The following PHF13 variants were observed in gnomAD, a reference collection of about 807,000 sequenced individuals.
PHF13 encodes PHD zinc finger protein PHF5.
In PHF13, 1 loss-of-function variant was observed where a neutral mutation model predicts 25.8. The ratio of observed to expected loss-of-function variants is 0.04; its 90% CI spans 0.01 to 0.18. The LOEUF (loss-of-function observed/expected upper bound fraction) is 0.18. Among genes scored for constraint, PHF13 ranks in the 10% least tolerant of loss-of-function variants. The pLI is 1.00. For missense variants in PHF13, 306 were observed against 403.2 expected, an observed-to-expected ratio of 0.76 and a Z score of 2.06; for synonymous variants, 195 against 162.4, an observed-to-expected ratio of 1.20 and a Z score of -1.53.
In PHF13 at chr1:6,613,750, G is replaced by T. The variant is rs939057532; in HGVS notation, c.-317G>T. On this transcript the variant is annotated 5_prime_UTR_variant, in exon 1 of 4. Transcript: ENST00000377648. ...TCTCCCGCCCTCCCTCCCGAGACAC[G>T]AGCCGAACTGGGCGTCAGGTCGGGG... The T allele has an allele frequency of 1.6e-4, 25 of 158,772 alleles. No homozygotes were observed. The highest frequency in any genetic ancestry group is 2.9e-4 in the East Asian group (1 of 3,436). The allele number at this position is 158,772 out of a possible 1,614,324, so 9.8% of individuals were successfully genotyped here.
chr1:6,616,680 C>T (rs1641266111), intron 1 of PHF13, 77 bp from the exon 2 acceptor site: 7 of 1,253,074 alleles, frequency 5.6e-6, no homozygotes, highest in Non-Finnish European at 8.2e-6. Flanking sequence ...AAAGTTCCAG[C>T]TTACTTCCTT....
rs546497234 is a variant in PHF13, at chr1:6,619,715, G to A, written c.142-88G>A. 2.0e-5 allele frequency: 27 copies of A among 1,349,536 alleles called. 1 individual carries two copies. Among genetic ancestry groups the A allele is most frequent in the African/African-American group, 1.2e-4 (8 of 68,814 alleles). The allele number at this position is 1,349,536 out of a possible 1,614,324, so 83.6% of individuals were successfully genotyped here. A position where few individuals can be genotyped will look rare whatever the true frequency, so the allele number is the denominator to read the frequency against. Reference sequence around the variant, plus strand: ...CAAAGTTGTGCAGATGTCTCTGGAGGTCTGACATGGCTGGGTGGCTGGGGA... The same window carrying A: ...CAAAGTTGTGCAGATGTCTCTGGAGATCTGACATGGCTGGGTGGCTGGGGA... On this transcript the variant is annotated intron_variant, in intron 2 of 3. Transcript: ENST00000377648.
At chr1:6,615,405 G>T (rs1641245159) in intron 1 of PHF13, among the ~76,000 whole-genome samples, 1 of 152,240 alleles carries the variant, frequency 6.6e-6, no homozygotes, top group South Asian at 2.1e-4. Context: ...GGCGGCCCTG[G>T]GGTCCAAGGG....
At position 6,614,041 on chromosome 1, in the gene PHF13, A is replaced by AGCCGCC. The variant is rs746978161; in HGVS notation, c.-19_-14dup. 6 of 1,527,258 alleles carry AGCCGCC rather than the reference A, an allele frequency of 3.9e-6. No homozygotes were observed. Among genetic ancestry groups the AGCCGCC allele is most frequent in the South Asian group, 3.5e-5 (3 of 86,700 alleles). 94.6% of individuals were successfully genotyped at this position (1,527,258 alleles called of 1,614,324 possible). A position where few individuals can be genotyped will look rare whatever the true frequency, so the allele number is the denominator to read the frequency against. On this transcript the variant is annotated 5_prime_UTR_variant, in exon 1 of 4. Coordinates refer to ENST00000377648, the MANE Select transcript of PHF13 (RefSeq NM_153812.3). Reference sequence around the variant, plus strand: ...AGCATCCCAGCTCCTGCACTCTCGCAGCCGCCGCCGCCCCCCGCCCGGAAC... The same window carrying AGCCGCC: ...AGCATCCCAGCTCCTGCACTCTCGCAGCCGCCGCCGCCGCCGCCCCCCGCCCGGAAC...
In PHF13 at chr1:6,620,015, G is replaced by C; in HGVS notation, c.354G>C (p.Lys118Asn). The C allele has an allele frequency of 6.2e-7, 1 of 1,613,744 alleles. No homozygotes were observed. Among genetic ancestry groups the C allele is most frequent in the Non-Finnish European group, 8.5e-7 (1 of 1,179,970 alleles). ...LDRKKTDKLK[K>N]KKKRKRRDSD... ...GAAAGAAAACGGACAAGCTGAAGAAGAAGAAGAAGAGGAAGCGCAGGGACA... is the reference window on the plus strand; with the variant it reads ...GAAAGAAAACGGACAAGCTGAAGAACAAGAAGAAGAGGAAGCGCAGGGACA... Residue 118 changes from lysine (K) to asparagine (N), a missense_variant, in exon 3 of 4, where the codon AAG (lysine) becomes AAC (asparagine). This residue lies in a region of PHF13 where 186 missense variants were observed against 164.0 expected (regional missense o/e 1.13). Coordinates refer to ENST00000377648, the MANE Select transcript of PHF13 (RefSeq NM_153812.3).
intron 1 of PHF13, chr1:6,614,512 G>C (rs1254484501): frequency 2.0e-5 from 4 of 199,842 alleles, no homozygotes; most frequent in South Asian, 7.2e-5. Context: ...GGTTGCTCTC[G>C]AGGAGTTTTA....
Position 6,619,907 on chromosome 1 carries a change from C to G in PHF13, c.246C>G (p.Pro82=). 1 of 1,614,008 alleles carries G rather than the reference C, an allele frequency of 6.2e-7. No homozygotes were observed. Among genetic ancestry groups the G allele is most frequent in the Non-Finnish European group, 8.5e-7 (1 of 1,180,036 alleles). The change falls in exon 3 of 4, where the codon CCC becomes CCG. Residue 82 remains proline, a synonymous_variant. Coordinates refer to ENST00000377648, the MANE Select transcript of PHF13 (RefSeq NM_153812.3). ...AGFSDIASSV[P]LPVSDRCFSH... is the part of the protein sequence containing the mutation. The stretch of plus-strand genomic sequence containing the variant: ...TCTCAGACATCGCGTCCTCAGTGCC[C>G]TTGCCAGTCTCTGACCGCTGCTTTA...
intron 1 of PHF13, 36 bp downstream of exon 1, chr1:6,614,141 AC>A (rs1311551635): frequency 7.8e-7 from 1 of 1,290,246 alleles, no homozygotes; most frequent in Non-Finnish European, 1.0e-6. Context: ...GCCCCCGACC[AC>A]CCCCTCCGCG....
chr1:6,615,001 C>A (rs913084579), intron 1 of PHF13, among the ~76,000 whole-genome samples: 2 of 150,652 alleles, frequency 1.3e-5, no homozygotes, highest in Non-Finnish European at 3.0e-5. Flanking sequence ...GGAATCCTGC[C>A]TGGCGCACCC....
rs1432040367 is a variant in PHF13 at position 6,621,385 on chromosome 1, C to T, written c.677-26C>T. 2 of 1,610,398 alleles carry T rather than the reference C, an allele frequency of 1.2e-6. No individual in the cohort carries two copies. The highest frequency in any genetic ancestry group is 1.7e-6 in the Non-Finnish European group (2 of 1,176,880). On this transcript the variant is annotated intron_variant, in intron 3 of 3. Coordinates refer to ENST00000377648, the MANE Select transcript of PHF13 (RefSeq NM_153812.3). The surrounding 1 kb of genome is among the most constrained non-coding windows in gnomAD (Gnocchi z 4.8). ...GAGGAATGATGGGAATTTCTCTTCC[C>T]TCCTTGAGAGTATCTTTCCTTCCAG... is the stretch of plus-strand genomic sequence containing the variant.
rs772774702 is a variant in PHF13 at position 6,621,415 on chromosome 1, C to T, written c.681C>T (p.Asp227=). The change falls in exon 4 of 4, where the codon GAC becomes GAT. Residue 227 remains aspartate, a synonymous_variant. Coordinates refer to ENST00000377648, the MANE Select transcript of PHF13 (RefSeq NM_153812.3). This position sits in a 1 kb window ranked among gnomAD's most constrained non-coding sequence, Gnocchi z 4.8. ...NDEDIMVDSD[D]DSWDLVTCFC... ...TGAGAGTATCTTTCCTTCCAGATGACGATTCCTGGGACCTCGTGACCTGCT... is the reference window on the plus strand; with the variant it reads ...TGAGAGTATCTTTCCTTCCAGATGATGATTCCTGGGACCTCGTGACCTGCT... 11 of 1,613,864 alleles carry T rather than the reference C, an allele frequency of 6.8e-6. No homozygotes were observed. The highest frequency in any genetic ancestry group is 3.3e-5 in the Admixed American group (2 of 59,974).
At chr1:6,616,217 C>T (rs1200868784) in intron 1 of PHF13, among the ~76,000 whole-genome samples, 2 of 151,704 alleles carry the variant, frequency 1.3e-5, no homozygotes, top group Non-Finnish European at 2.9e-5. Context: ...TTAGTAGAGA[C>T]GGGGTTTCAC....
At chr1:6,616,887 TTGA>T in intron 2 of PHF13, 29 bp downstream of exon 2, 1 of 1,593,082 alleles carries the variant, frequency 6.3e-7, no homozygotes, top group Non-Finnish European at 8.6e-7. Flanking sequence ...GAGACCTTTC[TTGA>T]TGAGTAGTCA....
chr1:6,619,505 A>G (rs1641307700), intron 2 of PHF13, among the ~76,000 whole-genome samples: 1 of 151,674 alleles, frequency 6.6e-6, no homozygotes, highest in Non-Finnish European at 1.5e-5. Context: ...CGCCCAGCTA[A>G]TTTTTGTATT....
At position 6,621,307 on chromosome 1, in the gene PHF13, G is replaced by C; in HGVS notation, c.677-104G>C. The C allele has an allele frequency of 8.3e-7, 1 of 1,204,274 alleles. No individual in the cohort carries two copies. The highest frequency in any genetic ancestry group is 1.2e-6 in the Non-Finnish European group (1 of 835,956). 74.6% of individuals were successfully genotyped at this position (1,204,274 alleles called of 1,614,324 possible). ...AAGTGTCAGCTTCGAGTGGCAGTTG[G>C]AAGTGTTCTCGTCAGTAGAGTTAAT... On this transcript the variant is annotated intron_variant, in intron 3 of 3. Transcript: ENST00000377648. This position sits in a 1 kb window ranked among gnomAD's most constrained non-coding sequence, Gnocchi z 4.8.
At chr1:6,618,231 C>T (rs866561894) in intron 2 of PHF13, among the ~76,000 whole-genome samples, 35 of 151,974 alleles carry the variant, frequency 2.3e-4, no homozygotes, top group African/African-American at 7.7e-4. Context: ...TTCTCCTGTG[C>T]TGAAGTGATC....
chr1:6,614,948 C>T (rs993244829), intron 1 of PHF13, among the ~76,000 whole-genome samples: 1 of 151,428 alleles, frequency 6.6e-6, no homozygotes, highest in Non-Finnish European at 1.5e-5. Flanking sequence ...GGTCTCGCTG[C>T]CGCCCCCGGG....
rs370872043 is a variant in PHF13, at chr1:6,620,336, A to C, written c.675A>C (p.Ser225=). The C allele has an allele frequency of 7.5e-6, 12 of 1,609,242 alleles. No individual in the cohort carries two copies. In the African/African-American group the frequency reaches 1.6e-4, roughly 21 times the overall value. ...ATGATGAGGACATCATGGTGGACTC[A>C]GGTGAGTGGTCCCTGAAGGATGATG... ...TGNDEDIMVD[S]DDDSWDLVTC... Residue 225 remains serine (S), a splice_region_variant and synonymous_variant, in exon 3 of 4, where the codon TCA becomes TCC. Transcript: ENST00000377648.
At position 6,623,608 on chromosome 1, in the gene PHF13, C is replaced by T. The variant is rs767816934; in HGVS notation, c.*1971C>T. The T allele has an allele frequency of 1.3e-5, 2 of 152,666 alleles. No individual in the cohort carries two copies. The highest frequency in any genetic ancestry group is 2.4e-5 in the African/African-American group (1 of 41,442). The allele number at this position is 152,666 out of a possible 1,614,324, so 9.5% of individuals were successfully genotyped here. ...CAACTGTCACGTGTGCTAGAAGGTT[C>T]GATGCCTCTGGAATGCATGTGATAC... On this transcript the variant is annotated 3_prime_UTR_variant, in exon 4 of 4. Transcript: ENST00000377648.
Sources: allele counts gnomAD v4.1 joint callset (sites outside exome capture counted in the v4.1 genomes callset), GRCh38; gene constraint gnomAD v4.1.1; regional missense constraint gnomAD v4.1.1; non-coding constraint Gnocchi (gnomAD v3.1); transcripts MANE v1.5; gene names NCBI Gene and HGNC (gene_info 2026-07-23, HGNC 2026-07-21).